Variants in MYH16 observed in about 807,000 individuals in gnomAD.
MYH16 encodes myosin heavy chain 16, also known as putative uncharacterized protein MYH16.
At chr7:99,281,864 C>G (rs573978631) in intron 23 of MYH16, among the ~76,000 whole-genome samples, 3 of 152,306 alleles carry the variant, frequency 2.0e-5, no homozygotes, top group Admixed American at 1.3e-4. Flanking sequence ...CAGTGGACCC[C>G]TCGTCCCTGT....
intron 2 of MYH16, among the ~76,000 whole-genome samples, chr7:99,245,373 A>G (rs1409533070): frequency 6.6e-6 from 1 of 152,180 alleles, no homozygotes; most frequent in Non-Finnish European, 1.5e-5. Flanking sequence ...TTTAAAGTTG[A>G]ACTGAAACCA....
chr7:99,287,914 A>T (rs907922101), exon 29 of MYH16: 11 of 455,422 alleles, frequency 2.4e-5, no homozygotes, highest in African/African-American at 2.0e-4. Context: ...CGCAAGCGGG[A>T]GGCTGAGCTG....
chr7:99,244,073 C>G (rs890651745), intron 2 of MYH16, among the ~76,000 whole-genome samples: 1 of 152,066 alleles, frequency 6.6e-6, no homozygotes, highest in African/African-American at 2.4e-5. Flanking sequence ...GTCCAAACAT[C>G]TATCCATCAG....
At chr7:99,253,794 G>T in exon 8 of MYH16, 1 of 205,160 alleles carries the variant, frequency 4.9e-6, no homozygotes, top group Non-Finnish European at 1.1e-5. Flanking sequence ...TCTTCTACCA[G>T]ATTCTCTCAA....
downstream of MYH16, among the ~76,000 whole-genome samples, chr7:99,309,944 C>T (rs1792736847): frequency 6.6e-6 from 1 of 151,958 alleles, no homozygotes; most frequent in South Asian, 2.1e-4. Flanking sequence ...ATTGCTTGAA[C>T]CTGTGAGGCA....
In MYH16 at chr7:99,295,188, G is replaced by T. The variant is rs10249159; in HGVS notation, n.4282+1038G>T. On this transcript the variant is annotated intron_variant and non_coding_transcript_variant, in intron 33 of 41. Coordinates refer to ENST00000439784, the Ensembl canonical transcript of MYH16. ...GAGCTCAGGAGTTCGACACCAGCCTGGGCAACTCGGTGAAATCCCGTCTCT... is the reference window on the plus strand; with the variant it reads ...GAGCTCAGGAGTTCGACACCAGCCTTGGCAACTCGGTGAAATCCCGTCTCT... Among the ~76,000 whole-genome samples the T allele has an allele frequency of 5.3e-3, 802 of 152,080 alleles. 4 individuals carry two copies. The highest frequency in any genetic ancestry group is 0.018 in the African/African-American group (750 of 41,490).
chr7:99,277,593 G>C (rs1227379916), exon 21 of MYH16: 4 of 456,928 alleles, frequency 8.8e-6, no homozygotes, highest in African/African-American at 2.0e-5. Flanking sequence ...GGCCAAGGAG[G>C]AGGAGCTCAG....
chr7:99,303,915 G>A (rs531941531), intron 39 of MYH16, among the ~76,000 whole-genome samples: 2 of 152,300 alleles, frequency 1.3e-5, no homozygotes, highest in South Asian at 4.2e-4. Flanking sequence ...GGATGAGCCT[G>A]GGGACGCAGT....
chr7:99,265,079 C>T (rs1301257173), intron 15 of MYH16: 1 of 152,670 alleles, frequency 6.6e-6, no homozygotes, highest in Admixed American at 6.5e-5. Context: ...GTTTCACTCA[C>T]TTGTTCTTTG....
chr7:99,245,894 G>A (rs1260607415), intron 2 of MYH16, among the ~76,000 whole-genome samples: 1 of 152,012 alleles, frequency 6.6e-6, no homozygotes. Flanking sequence ...AAAGAAAGTT[G>A]GGGTCTCTTT....
At chr7:99,310,113 C>T (rs923471042), downstream of MYH16, among the ~76,000 whole-genome samples, 5 of 151,586 alleles carry the variant, frequency 3.3e-5, no homozygotes, top group African/African-American at 4.8e-5. Flanking sequence ...TAAATAAAAC[C>T]GATCCTTCAC....
chr7:99,269,352 T>C (rs1792022300), intron 18 of MYH16, among the ~76,000 whole-genome samples: 1 of 151,788 alleles, frequency 6.6e-6, no homozygotes, highest in Admixed American at 6.6e-5. Flanking sequence ...CACAGCTCAC[T>C]GTGGCTTCAA....
exon 32 of MYH16, chr7:99,292,354 G>T: frequency 6.6e-6 from 3 of 456,850 alleles, no homozygotes; most frequent in South Asian, 4.6e-5. Context: ...CACCAAGCAC[G>T]ACCTGGACCT....
At chr7:99,246,978 A>G (rs1017307852) in intron 2 of MYH16, among the ~76,000 whole-genome samples, 4 of 152,208 alleles carry the variant, frequency 2.6e-5, no homozygotes, top group South Asian at 2.1e-4. Flanking sequence ...TGAAAATATC[A>G]TAAATCGACT....
chr7:99,303,485 CT>C (rs943588592), intron 39 of MYH16, among the ~76,000 whole-genome samples: 1 of 152,232 alleles, frequency 6.6e-6, no homozygotes, highest in Non-Finnish European at 1.5e-5. Context: ...TCTGGGCAGC[CT>C]TTTTGGCAAT....
Position 99,300,961 on chromosome 7 carries a change from G to A in MYH16, n.4934-640G>A, listed in dbSNP as rs140945989. Among the ~76,000 whole-genome samples the A allele has an allele frequency of 5.5e-3, 840 of 152,168 alleles. 8 individuals are homozygous for A. The highest frequency in any genetic ancestry group is 0.017 in the African/African-American group (717 of 41,498). On this transcript the variant is annotated intron_variant and non_coding_transcript_variant, in intron 37 of 41. Transcript: ENST00000439784. Reference sequence around the variant, plus strand: ...TGTAATCCCAGCACTTTGGGAGGCCGAGGTGGGCAAATCACTTGAGGTCAG... The same window carrying A: ...TGTAATCCCAGCACTTTGGGAGGCCAAGGTGGGCAAATCACTTGAGGTCAG...
intron 32 of MYH16, among the ~76,000 whole-genome samples, chr7:99,293,204 AAAATGGCC>A (rs1321927185): frequency 6.6e-6 from 1 of 152,210 alleles, no homozygotes; most frequent in African/African-American, 2.4e-5. Flanking sequence ...ATTCTCTGAA[AAAATGGCC>A]AAATTTTTTC....
At chr7:99,298,121 T>C (rs1289105863) in intron 36 of MYH16, 126 bp downstream of exon 17, 1 of 379,932 alleles carries the variant, frequency 2.6e-6, no homozygotes, top group Non-Finnish European at 5.2e-6. Context: ...TTGCTGAACA[T>C]GTTTCCTCAT....
chr7:99,269,108 T>C (rs1792019370), intron 18 of MYH16, among the ~76,000 whole-genome samples: 1 of 152,168 alleles, frequency 6.6e-6, no homozygotes, highest in South Asian at 2.1e-4. Context: ...TTATGTCCTA[T>C]TTGAAGCCTG....
Sources: gnomAD v4.1 joint callset for allele counts (sites outside exome capture counted in the v4.1 genomes callset) on GRCh38, gnomAD v4.1.1 for gene constraint, MANE v1.5 for transcripts, NCBI Gene and HGNC (gene_info 2026-07-23, HGNC 2026-07-21) for gene names.